The following ARHGAP32 variants were observed in gnomAD, a reference collection of about 807,000 sequenced individuals.
ARHGAP32 encodes rho GTPase-activating protein 32.
A neutral mutation model predicts 186.5 loss-of-function variants in ARHGAP32; 51 were observed. That is an observed-to-expected ratio of 0.27 (90% CI 0.22 to 0.35). The LOEUF is 0.35. Ranked by LOEUF, ARHGAP32 falls within the 10% of genes least tolerant of loss-of-function variation. The pLI, the probability that ARHGAP32 is intolerant of heterozygous loss-of-function variation, is 1.00. For synonymous variants in ARHGAP32, 950 were observed against 964.3 expected (o/e 0.99, Z 0.27); for missense variants, 2,186 against 2,623.5 (o/e 0.83, Z 3.64).
chr11:129,180,043 A>C (rs1944018725), intron 1 of ARHGAP32, among the ~76,000 whole-genome samples: 1 of 152,194 alleles, frequency 6.6e-6, no homozygotes, highest in Non-Finnish European at 1.5e-5. Context: ...TAGAATTAAT[A>C]CATTAGCAAG....
Position 129,235,105 on chromosome 11 carries a change from C to A in ARHGAP32, c.-5+44041G>T, listed in dbSNP as rs764956882. Reference sequence around the variant, plus strand: ...ATCCTTATAAGAGACAGAAGAGGCACAAATACAAAAGAGAAGGCCACGTGA... The same window carrying A: ...ATCCTTATAAGAGACAGAAGAGGCAAAAATACAAAAGAGAAGGCCACGTGA... On this transcript the variant is annotated intron_variant, in intron 1 of 6. Coordinates refer to the ARHGAP32 transcript ENST00000525234. Among the ~76,000 whole-genome samples, 3 of 152,198 alleles carry A rather than the reference C, an allele frequency of 2.0e-5. No homozygotes were observed. In the South Asian group the frequency reaches 6.2e-4, roughly 32 times the overall value.
intron 2 of ARHGAP32, among the ~76,000 whole-genome samples, chr11:129,156,259 A>C (rs560762890): frequency 7.4e-4 from 112 of 152,194 alleles, no homozygotes; most frequent in Middle Eastern, 3.4e-3. Context: ...ACTCCCCTGG[A>C]AAGGGGGCTA....
chr11:129,252,919 A>G (rs1469197616), intron 1 of ARHGAP32, among the ~76,000 whole-genome samples: 2 of 152,198 alleles, frequency 1.3e-5, no homozygotes, highest in Admixed American at 6.5e-5. Flanking sequence ...TGAATCTTGC[A>G]TATGCATCTT....
chr11:129,127,569 C>T (rs1942691589), intron 2 of ARHGAP32, among the ~76,000 whole-genome samples: 1 of 111,482 alleles, frequency 9.0e-6, no homozygotes, highest in Non-Finnish European at 1.8e-5. Flanking sequence ...GCCAGTAGAA[C>T]TGAAAGGAAA....
intron 1 of ARHGAP32, among the ~76,000 whole-genome samples, chr11:129,269,018 C>A (rs1445391065): frequency 2.0e-5 from 3 of 152,170 alleles, no homozygotes; most frequent in Non-Finnish European, 2.9e-5. Context: ...TGCCTATAAT[C>A]CCAGAGCTTT....
At chr11:129,235,900 A>ACACAC (rs1944922595) in intron 1 of ARHGAP32, among the ~76,000 whole-genome samples, 1 of 145,660 alleles carries the variant, frequency 6.9e-6, no homozygotes, top group East Asian at 2.0e-4. Flanking sequence ...GTCATTCATA[A>ACACAC]ACACACACAC....
At chr11:129,237,487 GC>G (rs1944951711) in intron 1 of ARHGAP32, among the ~76,000 whole-genome samples, 1 of 152,152 alleles carries the variant, frequency 6.6e-6, no homozygotes, top group South Asian at 2.1e-4. Context: ...AAGTGCTTTA[GC>G]GTGTTAAAGG....
chr11:129,221,625 T>A (rs1237397869), intron 1 of ARHGAP32, among the ~76,000 whole-genome samples: 1 of 150,696 alleles, frequency 6.6e-6, no homozygotes, highest in Non-Finnish European at 1.5e-5. Flanking sequence ...TCTGCACCCA[T>A]CCTGCAATGG....
At chr11:129,109,651 T>C (rs1942149310) in intron 5 of ARHGAP32, among the ~76,000 whole-genome samples, 1 of 152,114 alleles carries the variant, frequency 6.6e-6, no homozygotes, top group African/African-American at 2.4e-5. Context: ...ATTGTGGGTT[T>C]TGATTTGTAT....
At chr11:129,177,164 C>T (rs1002360389) in intron 1 of ARHGAP32, among the ~76,000 whole-genome samples, 118 of 152,104 alleles carry the variant, frequency 7.8e-4, no homozygotes, top group South Asian at 3.9e-3. Context: ...AACACCTCTA[C>T]GCAAATAAAC....
At chr11:129,130,243 T>C (rs1017287947) in intron 2 of ARHGAP32, among the ~76,000 whole-genome samples, 19 of 152,224 alleles carry the variant, frequency 1.2e-4, no homozygotes, top group East Asian at 1.9e-4. Context: ...AAGAACAGCA[T>C]TGTCAATCAA....
chr11:129,271,301 T>C (rs935343886), intron 1 of ARHGAP32, among the ~76,000 whole-genome samples: 2 of 152,064 alleles, frequency 1.3e-5, no homozygotes, highest in African/African-American at 4.8e-5. Context: ...AAGTGAGATG[T>C]AGTCAGGTTC....
chr11:129,094,018 T>C (rs2135273258), intron 5 of ARHGAP32, among the ~76,000 whole-genome samples: 1 of 152,248 alleles, frequency 6.6e-6, no homozygotes, highest in East Asian at 1.9e-4. Flanking sequence ...CAGACCTTAT[T>C]ACATAGATTA....
At chr11:129,064,130 A>C in intron 8 of ARHGAP32, 106 bp from the exon 9 acceptor site, 2 of 967,494 alleles carry the variant, frequency 2.1e-6, no homozygotes, top group Non-Finnish European at 2.7e-6. Context: ...CAATAACCCA[A>C]AGAGTCTTAA....
intron 6 of ARHGAP32, among the ~76,000 whole-genome samples, chr11:129,076,941 G>A (rs1331455243): frequency 6.6e-6 from 1 of 152,226 alleles, no homozygotes; most frequent in East Asian, 1.9e-4. Flanking sequence ...AGTGCCCCAA[G>A]TGTGAAAGGG....
intron 5 of ARHGAP32, among the ~76,000 whole-genome samples, chr11:129,097,740 A>C (rs1472043348): frequency 6.6e-6 from 1 of 152,210 alleles, no homozygotes; most frequent in Non-Finnish European, 1.5e-5. Flanking sequence ...GAGAAGGGAC[A>C]AAGAGATTAT....
intron 2 of ARHGAP32, among the ~76,000 whole-genome samples, chr11:129,146,845 C>A (rs1943176241): frequency 6.6e-6 from 1 of 151,850 alleles, no homozygotes; most frequent in Non-Finnish European, 1.5e-5. Context: ...AATACTTAAG[C>A]CCTTTTATCT....
At chr11:129,057,315 A>G (rs1209794618) in intron 10 of ARHGAP32, among the ~76,000 whole-genome samples, 1 of 152,066 alleles carries the variant, frequency 6.6e-6, no homozygotes, top group Non-Finnish European at 1.5e-5. Context: ...CTAGTCCTCC[A>G]TGTCCTGCCT....
At chr11:129,187,942 G>T (rs1944196186) in intron 1 of ARHGAP32, among the ~76,000 whole-genome samples, 1 of 151,680 alleles carries the variant, frequency 6.6e-6, no homozygotes, top group South Asian at 2.1e-4. Context: ...TTTTTGTGTG[G>T]TTTTTTTGTT....
Sources: allele counts gnomAD v4.1 joint callset (sites outside exome capture counted in the v4.1 genomes callset), GRCh38; gene constraint gnomAD v4.1.1; transcripts MANE v1.5; gene names NCBI Gene and HGNC (gene_info 2026-07-23, HGNC 2026-07-21).